The following NKAIN2 variants were observed in gnomAD, a reference collection of about 807,000 sequenced individuals.
The protein encoded by NKAIN2 is sodium/potassium-transporting ATPase subunit beta-1-interacting protein 2.
NKAIN2 carries 14 observed loss-of-function variants against 32.6 expected under a neutral mutation model. That is an observed-to-expected ratio of 0.43 (90% CI 0.28 to 0.67). The LOEUF is 0.67. Ranked by LOEUF, NKAIN2 falls within the 30% of genes least tolerant of loss-of-function variation. NKAIN2 has a pLI of 0.17. For missense variants in NKAIN2, 198 were observed against 258.3 expected, an observed-to-expected ratio of 0.77 and a Z score of 1.60; for synonymous variants, 80 against 87.2, an observed-to-expected ratio of 0.92 and a Z score of 0.46.
intron 4 of NKAIN2, among the ~76,000 whole-genome samples, chr6:124,731,325 T>C (rs1036657020): frequency 6.6e-6 from 1 of 151,634 alleles, no homozygotes; most frequent in Admixed American, 6.6e-5. Flanking sequence ...TGTCCAACAA[T>C]GATAGACTGG....
chr6:124,801,830 T>G (rs1780272319), intron 5 of NKAIN2, among the ~76,000 whole-genome samples: 1 of 152,162 alleles, frequency 6.6e-6, no homozygotes, highest in Admixed American at 6.5e-5. Context: ...AGGGATAAAT[T>G]AGAGGACTAT....
rs147724634 is a variant in NKAIN2, at chr6:124,644,705, T to C, written c.274-13481T>C. On this transcript the variant is annotated intron_variant, in intron 3 of 6. Coordinates refer to ENST00000368417, the MANE Select transcript of NKAIN2 (RefSeq NM_001040214.3). ...TATGGCATGAGCCACCATGCCCAGC[T>C]TGTTTGTGGTTTTCTACCTTATTTT... is the stretch of plus-strand genomic sequence containing the variant. Among the ~76,000 whole-genome samples, 32 of 152,152 alleles carry C rather than the reference T, an allele frequency of 2.1e-4. 1 individual carries two copies. In the East Asian group the frequency reaches 5.4e-3, roughly 26 times the overall value.
chr6:123,843,076 C>T (rs1774942151), intron 1 of NKAIN2, among the ~76,000 whole-genome samples: 1 of 152,232 alleles, frequency 6.6e-6, no homozygotes, highest in African/African-American at 2.4e-5. Context: ...TAGGGTTGTC[C>T]ATGACCTCTG....
chr6:124,686,672 G>T (rs890624717), intron 4 of NKAIN2, among the ~76,000 whole-genome samples: 2 of 152,220 alleles, frequency 1.3e-5, no homozygotes, highest in East Asian at 1.9e-4. Context: ...TCTTATGCAG[G>T]TAATCCTGTA....
chr6:124,636,858 AAAGG>A, intron 3 of NKAIN2, among the ~76,000 whole-genome samples: 1 of 152,170 alleles, frequency 6.6e-6, no homozygotes, highest in Non-Finnish European at 1.5e-5. Context: ...CAAAAACTGA[AAAGG>A]AAGGAATTCT....
intron 1 of NKAIN2, among the ~76,000 whole-genome samples, chr6:124,165,345 C>G (rs1187901198): frequency 6.6e-6 from 1 of 151,984 alleles, no homozygotes; most frequent in Non-Finnish European, 1.5e-5. Flanking sequence ...CAGGAATGGT[C>G]AGCCCTGAAT....
At chr6:124,400,482 G>C (rs528022046) in intron 3 of NKAIN2, among the ~76,000 whole-genome samples, 2 of 151,968 alleles carry the variant, frequency 1.3e-5, no homozygotes, top group Non-Finnish European at 1.5e-5. Flanking sequence ...CTGTTACTTG[G>C]CTTGATATAG....
chr6:124,264,660 T>C (rs1426942682), intron 1 of NKAIN2, among the ~76,000 whole-genome samples: 1 of 152,148 alleles, frequency 6.6e-6, no homozygotes, highest in Non-Finnish European at 1.5e-5. Context: ...TAGAAAAAGA[T>C]TGGACCCCCA....
chr6:124,366,823 G>A (rs1433256954), intron 3 of NKAIN2, among the ~76,000 whole-genome samples: 1 of 151,704 alleles, frequency 6.6e-6, no homozygotes, highest in African/African-American at 2.4e-5. Flanking sequence ...AGCTACTCAG[G>A]AGGCTGAGGT....
intron 1 of NKAIN2, among the ~76,000 whole-genome samples, chr6:123,839,276 C>T (rs773361858): frequency 8.6e-5 from 13 of 150,490 alleles, no homozygotes; most frequent in East Asian, 2.0e-4. Flanking sequence ...TTTTACAAGT[C>T]GTAAACTTTG....
At chr6:123,831,661 G>GTT (rs1218615791) in intron 1 of NKAIN2, among the ~76,000 whole-genome samples, 30 of 123,212 alleles carry the variant, frequency 2.4e-4, no homozygotes, top group African/African-American at 7.3e-4. Flanking sequence ...TTTTTTTTTT[G>GTT]TTTTTTTTTT....
intron 3 of NKAIN2, among the ~76,000 whole-genome samples, chr6:124,419,627 A>G (rs1209824967): frequency 6.6e-6 from 1 of 152,170 alleles, no homozygotes; most frequent in Non-Finnish European, 1.5e-5. Context: ...AGAAAGCAAC[A>G]AGTTCATAGT....
At chr6:124,188,411 T>C (rs1789852935) in intron 1 of NKAIN2, among the ~76,000 whole-genome samples, 2 of 152,178 alleles carry the variant, frequency 1.3e-5, no homozygotes, top group Non-Finnish European at 2.9e-5. Flanking sequence ...TTTCAATTGA[T>C]TAAATTAAGC....
chr6:124,617,763 T>TACCAAATA (rs760947356), intron 3 of NKAIN2, among the ~76,000 whole-genome samples: 128 of 152,342 alleles, frequency 8.4e-4, no homozygotes, highest in Non-Finnish European at 1.5e-3. Flanking sequence ...ACCATAGCTC[T>TACCAAATA]CTATGATTTG....
At chr6:124,017,822 C>A (rs1401180986) in intron 1 of NKAIN2, among the ~76,000 whole-genome samples, 1 of 152,036 alleles carries the variant, frequency 6.6e-6, no homozygotes, top group East Asian at 1.9e-4. Context: ...CATTTAGTTT[C>A]TGTGGCTTTT....
At chr6:124,273,955 G>A (rs1418628729) in intron 1 of NKAIN2, among the ~76,000 whole-genome samples, 1 of 152,208 alleles carries the variant, frequency 6.6e-6, no homozygotes, top group African/African-American at 2.4e-5. Flanking sequence ...TGAGAAGTTA[G>A]ATTTCCACTG....
chr6:124,744,289 G>T (rs1777360678), intron 4 of NKAIN2, among the ~76,000 whole-genome samples: 1 of 151,564 alleles, frequency 6.6e-6, no homozygotes, highest in South Asian at 2.1e-4. Flanking sequence ...TACTCTTTCT[G>T]GCCTTTTGTT....
chr6:124,254,003 G>A (rs946169275), intron 1 of NKAIN2, among the ~76,000 whole-genome samples: 3 of 151,878 alleles, frequency 2.0e-5, no homozygotes, highest in Non-Finnish European at 4.4e-5. Context: ...TTTTAGTAGA[G>A]ACGGGGTTTC....
At chr6:124,017,352 T>C (rs985138809) in intron 1 of NKAIN2, among the ~76,000 whole-genome samples, 1 of 152,054 alleles carries the variant, frequency 6.6e-6, no homozygotes, top group Non-Finnish European at 1.5e-5. Context: ...ACTGTATTAT[T>C]CCTCTTGTGG....
Sources: gnomAD v4.1 joint callset for allele counts (sites outside exome capture counted in the v4.1 genomes callset) on GRCh38, gnomAD v4.1.1 for gene constraint, MANE v1.5 for transcripts, NCBI Gene and HGNC (gene_info 2026-07-23, HGNC 2026-07-21) for gene names.